SH3KBP1: variants seen among roughly 807,000 people sequenced by gnomAD.
SH3KBP1 encodes the protein SH3 domain-containing kinase-binding protein 1.
A neutral mutation model predicts 50.1 loss-of-function variants in SH3KBP1; 8 were observed. The ratio of observed to expected loss-of-function variants is 0.16; its 90% confidence interval spans 0.09 to 0.29. The LOEUF is 0.29. Ranked by LOEUF, SH3KBP1 falls within the 10% of genes least tolerant of loss-of-function variation. The pLI is 1.00. For missense variants in SH3KBP1, 377 were observed against 535.2 expected, an observed-to-expected ratio of 0.70 and a Z score of 2.92; for synonymous variants, 227 against 218.6, an observed-to-expected ratio of 1.04 and a Z score of -0.34.
rs746688290 is a variant in SH3KBP1, at chrX:19,542,178, C to A, written c.1639G>T (p.Ala547Ser). ...VTISQVSDNK[A>S]SLPPKPGTMA... ...GTCCCCGGCTTGGGCGGCAGGGATG[C>A]TTTGTTGTCAGACACCTGTGACGAG... Residue 547 changes from alanine to serine, a missense_variant, in exon 16 of 18, where the codon GCA becomes TCA. By Grantham distance (99) the Ala-to-Ser change is moderately conservative. This residue lies in a region of SH3KBP1 where 110 missense variants were observed against 124.1 expected (regional missense o/e 0.89). Transcript: ENST00000397821. The A allele has an allele frequency of 8.5e-7, 1 of 1,179,561 alleles. No individual in the cohort carries two copies. The highest frequency in any genetic ancestry group is 1.1e-6 in the Non-Finnish European group (1 of 879,118).
chrX:19,593,094 C>T (rs1268801630), intron 10 of SH3KBP1, among the ~76,000 whole-genome samples: 3 of 112,079 alleles, frequency 2.7e-5, no homozygotes, highest in Admixed American at 9.5e-5. Context: ...TAGCCTTTAC[C>T]CACATGGACT....
intron 1 of SH3KBP1, among the ~76,000 whole-genome samples, chrX:19,884,994 A>T (rs2069548061): frequency 8.9e-6 from 1 of 112,045 alleles, no homozygotes; most frequent in East Asian, 2.8e-4. Flanking sequence ...TTATCAGGCC[A>T]GGTAAGAATA....
Position 19,542,896 on chromosome X carries a change from G to A in SH3KBP1, c.1624-703C>T, listed in dbSNP as rs765104978. ...GGCTGGGAAGTACAAGCGGCTAGGC[G>A]AAAGGGTGAGAGGAGGGCACACGGT... On this transcript the variant is annotated intron_variant, in intron 15 of 17. Transcript: ENST00000397821. Among the ~76,000 whole-genome samples the A allele has an allele frequency of 2.1e-4, 23 of 112,033 alleles. 1 individual carries two copies. In the East Asian group the frequency reaches 4.5e-3, roughly 22 times the overall value.
At chrX:19,725,921 C>T (rs1411213843) in intron 3 of SH3KBP1, among the ~76,000 whole-genome samples, 5 of 111,961 alleles carry the variant, frequency 4.5e-5, no homozygotes, top group African/African-American at 1.6e-4. Context: ...CCAGATGGAA[C>T]CACGTTGCCT....
intron 2 of SH3KBP1, 29 bp downstream of exon 2, chrX:19,836,096 A>G: frequency 8.3e-7 from 1 of 1,199,336 alleles, no homozygotes. Flanking sequence ...CACACAGGAG[A>G]CAGGAAAAGG....
Position 19,588,759 on chromosome X carries a change from G to T in SH3KBP1, c.1182C>A (p.Ser394=). The T allele has an allele frequency of 8.5e-7, 1 of 1,182,274 alleles. No homozygotes were observed. The highest frequency in any genetic ancestry group is 1.1e-6 in the Non-Finnish European group (1 of 880,647). Residue 394 remains serine (S), a synonymous_variant, in exon 12 of 18, where the codon TCC becomes TCA. Coordinates refer to ENST00000397821, the MANE Select transcript of SH3KBP1 (RefSeq NM_031892.3). ...REPKLDLQKP[S]VPAIPPKKPR... is the part of the protein sequence containing the mutation. ...GCTTTTTTGGCGGTATGGCAGGAACGGAGGGCTTCTGTAAATCCAGTTTTG... is the reference window on the plus strand; with the variant it reads ...GCTTTTTTGGCGGTATGGCAGGAACTGAGGGCTTCTGTAAATCCAGTTTTG...
intron 14 of SH3KBP1, among the ~76,000 whole-genome samples, chrX:19,549,427 T>C (rs1355728623): frequency 9.0e-6 from 1 of 111,331 alleles, no homozygotes; most frequent in Non-Finnish European, 1.9e-5. Context: ...AAAAATCTTC[T>C]ATGGGTTATC....
At chrX:19,592,633 C>T (rs2066784788) in intron 10 of SH3KBP1, among the ~76,000 whole-genome samples, 1 of 111,968 alleles carries the variant, frequency 8.9e-6, no homozygotes, top group Non-Finnish European at 1.9e-5. Flanking sequence ...GTCTACATCC[C>T]CTTGCCAGGA....
chrX:19,669,603 A>G, intron 6 of SH3KBP1, among the ~76,000 whole-genome samples: 1 of 111,536 alleles, frequency 9.0e-6, no homozygotes. Context: ...CACCATCTTT[A>G]TTTTGCATAT....
In SH3KBP1 at chrX:19,572,483, A is replaced by G. The variant is rs773393130; in HGVS notation, c.1299-3295T>C. ...AGTACATATATACTATATATAGTAC[A>G]TATATGTTATATATAGTACATATAT... is the stretch of plus-strand genomic sequence containing the variant. On this transcript the variant is annotated intron_variant, in intron 12 of 17. Transcript: ENST00000397821. 7.3e-4 allele frequency among the ~76,000 whole-genome samples: 78 copies of G among 106,141 alleles called. 1 individual carries two copies. Among genetic ancestry groups the G allele is most frequent in the African/African-American group, 2.6e-3 (75 of 28,724 alleles). 92.2% of individuals were successfully genotyped at this position (106,141 alleles called of 115,157 possible).
intron 8 of SH3KBP1, among the ~76,000 whole-genome samples, chrX:19,629,688 T>C (rs2061533610): frequency 8.9e-6 from 1 of 112,003 alleles, no homozygotes; most frequent in Admixed American, 9.4e-5. Flanking sequence ...AGTGTCAAAA[T>C]GGTGATATGA....
In SH3KBP1 at chrX:19,801,222, A is replaced by G. The variant is rs774208623; in HGVS notation, c.162+34903T>C. 1.7e-4 allele frequency among the ~76,000 whole-genome samples: 19 copies of G among 112,103 alleles called. No homozygotes were observed. The East Asian group carries it at 5.3e-3, about 31-fold the overall frequency. ...CACTGCAGATGGACACCATTCTACA[A>G]CCATCTGATGACCACAGGGAAGCCA... On this transcript the variant is annotated intron_variant, in intron 2 of 17. Coordinates refer to ENST00000397821, the MANE Select transcript of SH3KBP1 (RefSeq NM_031892.3).
At chrX:19,592,195 A>G in intron 10 of SH3KBP1, 48 bp from the exon 11 acceptor site, 1 of 971,897 alleles carries the variant, frequency 1.0e-6, no homozygotes, top group Non-Finnish European at 1.4e-6. Context: ...TCTGTACTCA[A>G]TTATTACACC....
intron 2 of SH3KBP1, among the ~76,000 whole-genome samples, chrX:19,830,055 A>G (rs2067820965): frequency 9.0e-6 from 1 of 111,102 alleles, no homozygotes; most frequent in Non-Finnish European, 1.9e-5. Flanking sequence ...GGTGGGTTTT[A>G]GCCGGCTTCT....
At chrX:19,714,571 G>C (rs771266569) in intron 3 of SH3KBP1, among the ~76,000 whole-genome samples, 1 of 111,622 alleles carries the variant, frequency 9.0e-6, no homozygotes, top group African/African-American at 3.3e-5. Context: ...CCATAAAAAA[G>C]AACGAGATCC....
chrX:19,542,961 G>C (rs1429631405), intron 15 of SH3KBP1, among the ~76,000 whole-genome samples: 3 of 112,251 alleles, frequency 2.7e-5, no homozygotes, highest in Non-Finnish European at 5.6e-5. Flanking sequence ...TAAAGGGTTG[G>C]CAGATCTGGA....
intron 12 of SH3KBP1, among the ~76,000 whole-genome samples, chrX:19,581,122 T>G (rs1292914860): frequency 9.0e-6 from 1 of 110,744 alleles, no homozygotes; most frequent in Non-Finnish European, 1.9e-5. Context: ...TGGCTAATTT[T>G]AAAACTTTGT....
intron 1 of SH3KBP1, among the ~76,000 whole-genome samples, chrX:19,878,592 C>T (rs375409489): frequency 3.6e-5 from 4 of 109,598 alleles, no homozygotes; most frequent in African/African-American, 1.3e-4. Flanking sequence ...CAAAAAGCCA[C>T]GCTTTCCCTT....
At chrX:19,839,583 A>G (rs2068165490) in intron 1 of SH3KBP1, among the ~76,000 whole-genome samples, 1 of 112,314 alleles carries the variant, frequency 8.9e-6, no homozygotes. Flanking sequence ...TTGGCCTCCC[A>G]AAGTGCTGGG....
Sources: gnomAD v4.1 joint callset for allele counts (sites outside exome capture counted in the v4.1 genomes callset) on GRCh38, gnomAD v4.1.1 for gene constraint, gnomAD v4.1.1 regional missense constraint, MANE v1.5 for transcripts, NCBI Gene and HGNC (gene_info 2026-07-23, HGNC 2026-07-21) for gene names.